C10orf90: variants seen among roughly 807,000 people sequenced by gnomAD.
C10orf90 encodes (E2-independent) E3 ubiquitin-conjugating enzyme FATS.
In C10orf90, 56 loss-of-function variants were observed where a neutral mutation model predicts 62.5. That is an observed-to-expected ratio of 0.90 (90% CI 0.72 to 1.12). The LOEUF (loss-of-function observed/expected upper bound fraction) is 1.12, where lower values mean the gene tolerates loss of function less well. Among genes scored for constraint, C10orf90 ranks in the 50% most tolerant of loss-of-function variants. The pLI is 0.00. For missense variants in C10orf90, 970 were observed against 880.4 expected, an observed-to-expected ratio of 1.10 and a Z score of -1.29; for synonymous variants, 386 against 340.4, an observed-to-expected ratio of 1.13 and a Z score of -1.47.
intron 2 of C10orf90, among the ~76,000 whole-genome samples, chr10:126,572,424 C>A (rs1844526296): frequency 6.6e-6 from 1 of 152,066 alleles, no homozygotes; most frequent in South Asian, 2.1e-4. Flanking sequence ...GACAGAGCAG[C>A]CCCAAGGGCT....
chr10:126,495,522 A>C (rs577502403), intron 4 of C10orf90, among the ~76,000 whole-genome samples: 1 of 152,250 alleles, frequency 6.6e-6, no homozygotes, highest in East Asian at 1.9e-4. Flanking sequence ...TGATAGCAGT[A>C]TGAAAAATAT....
intron 4 of C10orf90, among the ~76,000 whole-genome samples, chr10:126,493,165 A>G (rs1307835412): frequency 2.5e-5 from 2 of 78,936 alleles, no homozygotes; most frequent in Non-Finnish European, 5.7e-5. Context: ...TTTTTGTTGA[A>G]AAAAAAAAAA....
At chr10:126,439,610 A>T (rs1439690127) in intron 7 of C10orf90, among the ~76,000 whole-genome samples, 9 of 152,198 alleles carry the variant, frequency 5.9e-5, no homozygotes, top group Non-Finnish European at 1.3e-4. Flanking sequence ...TTTAACAGAG[A>T]GATTGAAATA....
intron 2 of C10orf90, among the ~76,000 whole-genome samples, chr10:126,581,989 G>T (rs1844762506): frequency 6.6e-6 from 1 of 152,190 alleles, no homozygotes; most frequent in Non-Finnish European, 1.5e-5. Flanking sequence ...AGCAGGGACA[G>T]TGGGCTCCCA....
chr10:126,575,195 A>G (rs1451154564), intron 2 of C10orf90, among the ~76,000 whole-genome samples: 2 of 152,066 alleles, frequency 1.3e-5, no homozygotes, highest in Non-Finnish European at 2.9e-5. Context: ...TAAATTAGAA[A>G]AGAAGAAGTC....
chr10:126,618,531 A>G (rs1025642), intron 2 of C10orf90, among the ~76,000 whole-genome samples: 25,066 of 152,152 alleles, frequency 0.16, 2,752 homozygotes, highest in African/African-American at 0.32. Context: ...CCTGGAAATA[A>G]GCTAAACCTC....
intron 2 of C10orf90, among the ~76,000 whole-genome samples, chr10:126,618,484 T>C (rs950814997): frequency 6.6e-6 from 1 of 152,178 alleles, no homozygotes; most frequent in African/African-American, 2.4e-5. Context: ...CCAAACTCTG[T>C]ATTACTTTAA....
At chr10:126,444,314 T>G (rs1166107441) in intron 7 of C10orf90, among the ~76,000 whole-genome samples, 1 of 152,064 alleles carries the variant, frequency 6.6e-6, no homozygotes, top group Non-Finnish European at 1.5e-5. Context: ...GATAAAAGAA[T>G]TCATCAAAGT....
intron 7 of C10orf90, among the ~76,000 whole-genome samples, chr10:126,446,768 T>G (rs1027710263): frequency 4.6e-5 from 7 of 152,134 alleles, no homozygotes; most frequent in Admixed American, 3.3e-4. Flanking sequence ...AAAAATCACT[T>G]ATATCTCTAG....
At chr10:126,428,247 A>G (rs1041499473) in intron 8 of C10orf90, among the ~76,000 whole-genome samples, 1 of 152,148 alleles carries the variant, frequency 6.6e-6, no homozygotes, top group African/African-American at 2.4e-5. Flanking sequence ...CAGGATACTC[A>G]GGAGATATCA....
intron 2 of C10orf90, among the ~76,000 whole-genome samples, chr10:126,587,244 C>A (rs1305307630): frequency 6.6e-6 from 1 of 152,220 alleles, no homozygotes; most frequent in African/African-American, 2.4e-5. Flanking sequence ...ATTTAAAGAT[C>A]TTTGACTTTG....
Position 126,453,760 on chromosome 10 carries a change from G to A in C10orf90, c.2188+5280C>T, listed in dbSNP as rs2134077935. 6.6e-6 allele frequency among the ~76,000 whole-genome samples: 1 copy of A among 152,298 alleles called. No individual in the cohort carries two copies. The highest frequency in any genetic ancestry group is 2.1e-4 in the South Asian group (1 of 4,832). ...TTACAGGAAGCACAGGAAAGGGTCT[G>A]GGGGTAAGAGATGAATAAAAAGGCT... On this transcript the variant is annotated intron_variant, in intron 7 of 9. Transcript: ENST00000488181. This position sits in a 1 kb window ranked among gnomAD's most constrained non-coding sequence, Gnocchi z 4.9.
chr10:126,667,985 G>T (rs1364898952), intron 1 of C10orf90, among the ~76,000 whole-genome samples: 2 of 152,118 alleles, frequency 1.3e-5, no homozygotes, highest in Admixed American at 6.5e-5. Flanking sequence ...TCTGCTCCTT[G>T]TTCCTATCAG....
chr10:126,571,592 C>T (rs889853957), intron 2 of C10orf90, among the ~76,000 whole-genome samples: 9 of 152,168 alleles, frequency 5.9e-5, no homozygotes, highest in African/African-American at 7.2e-5. Context: ...ATTCAAAGGA[C>T]GCAAATGAGG....
intron 2 of C10orf90, among the ~76,000 whole-genome samples, chr10:126,640,366 T>A (rs1260705123): frequency 3.3e-5 from 5 of 152,228 alleles, no homozygotes; most frequent in African/African-American, 9.6e-5. Context: ...CCCACCCTGC[T>A]CCGCAGGTTT....
chr10:126,601,724 T>C (rs1845201409), intron 2 of C10orf90, among the ~76,000 whole-genome samples: 1 of 152,232 alleles, frequency 6.6e-6, no homozygotes. Context: ...ACAAACTCTT[T>C]CCTGGACCCA....
At chr10:126,483,096 T>G (rs1278255033) in intron 4 of C10orf90, among the ~76,000 whole-genome samples, 1 of 152,240 alleles carries the variant, frequency 6.6e-6, no homozygotes, top group Non-Finnish European at 1.5e-5. Context: ...TATATCTCCA[T>G]GAAATTGTTA....
At chr10:126,499,458 C>T (rs983826017) in intron 4 of C10orf90, among the ~76,000 whole-genome samples, 3 of 152,200 alleles carry the variant, frequency 2.0e-5, no homozygotes, top group African/African-American at 4.8e-5. Context: ...TCTGGTCCCT[C>T]TAGTAAAAAA....
At chr10:126,547,095 C>G (rs924654797) in intron 2 of C10orf90, among the ~76,000 whole-genome samples, 1 of 151,792 alleles carries the variant, frequency 6.6e-6, no homozygotes, top group Admixed American at 6.6e-5. Flanking sequence ...GGCAACAGAG[C>G]GAGACTCCGT....
Sources: gnomAD v4.1 joint callset for allele counts (sites outside exome capture counted in the v4.1 genomes callset) on GRCh38, gnomAD v4.1.1 for gene constraint, Gnocchi (gnomAD v3.1) non-coding constraint, MANE v1.5 for transcripts, NCBI Gene and HGNC (gene_info 2026-07-23, HGNC 2026-07-21) for gene names.